The following AGMO variants were observed in gnomAD, a reference collection of about 807,000 sequenced individuals.
The protein encoded by AGMO is alkylglycerol monooxygenase.
AGMO carries 75 observed loss-of-function variants against 60.2 expected under a neutral mutation model. The ratio of observed to expected loss-of-function variants is 1.25; its 90% CI spans 1.03 to 1.51. The LOEUF (loss-of-function observed/expected upper bound fraction) is 1.51, where lower values mean the gene tolerates loss of function less well. Ranked by LOEUF, AGMO falls within the 40% of genes most tolerant of loss-of-function variation. The pLI, the probability that AGMO is intolerant of heterozygous loss-of-function variation, is 0.00. For synonymous variants in AGMO, 261 were observed against 177.1 expected, an observed-to-expected ratio of 1.47 and a Z score of -3.76; for missense variants, 763 against 525.5, an observed-to-expected ratio of 1.45 and a Z score of -4.42.
intron 12 of AGMO, among the ~76,000 whole-genome samples, chr7:15,210,754 A>G (rs900952341): frequency 4.6e-5 from 7 of 152,054 alleles, no homozygotes; most frequent in Non-Finnish European, 8.8e-5. Flanking sequence ...CTTCTCCTTA[A>G]TATGTCTATT....
Position 15,552,305 on chromosome 7 carries a change from C to A in AGMO, c.258-7382G>T, listed in dbSNP as rs948062255. ...ACACCAAAAGCATTGGCAACAAAAGCCAAAATTGACAAATGGGATCTAATT... is the reference window on the plus strand; with the variant it reads ...ACACCAAAAGCATTGGCAACAAAAGACAAAATTGACAAATGGGATCTAATT... On this transcript the variant is annotated intron_variant, in intron 2 of 12. Coordinates refer to ENST00000342526, the MANE Select transcript of AGMO (RefSeq NM_001004320.2). Among the ~76,000 whole-genome samples, 327 of 152,210 alleles carry A rather than the reference C, an allele frequency of 2.1e-3. 1 individual carries two copies. The highest frequency in any genetic ancestry group is 7.7e-3 in the African/African-American group (318 of 41,520).
intron 12 of AGMO, among the ~76,000 whole-genome samples, chr7:15,241,273 A>C (rs1470193294): frequency 6.6e-6 from 1 of 151,556 alleles, no homozygotes; most frequent in African/African-American, 2.4e-5. Flanking sequence ...ATCCTGGCTA[A>C]CACGGTGAAA....
intron 12 of AGMO, among the ~76,000 whole-genome samples, chr7:15,240,230 A>T (rs1175978405): frequency 1.3e-5 from 2 of 152,184 alleles, no homozygotes; most frequent in Non-Finnish European, 2.9e-5. Context: ...ACAGGACGAC[A>T]AGTTAAGTTT....
chr7:15,232,634 G>A (rs1003747342), intron 12 of AGMO, among the ~76,000 whole-genome samples: 2 of 152,096 alleles, frequency 1.3e-5, no homozygotes, highest in African/African-American at 4.8e-5. Flanking sequence ...TTTAAAGAAT[G>A]TGTGCTACAC....
At chr7:15,188,936 G>C in the AGMO span, among the ~76,000 whole-genome samples, 1 of 152,132 alleles carries the variant, frequency 6.6e-6, no homozygotes, top group Non-Finnish European at 1.5e-5. Context: ...AGAATCGGAG[G>C]AGATAAATTA....
intron 12 of AGMO, among the ~76,000 whole-genome samples, chr7:15,350,651 G>A (rs1411565667): frequency 1.3e-5 from 2 of 152,146 alleles, no homozygotes; most frequent in African/African-American, 2.4e-5. Context: ...TTTGTTCCTA[G>A]ATCTGAACGC....
At chr7:15,162,690 T>A in the AGMO span, among the ~76,000 whole-genome samples, 2 of 152,060 alleles carry the variant, frequency 1.3e-5, no homozygotes, top group African/African-American at 4.8e-5. Context: ...TAAAATGCCA[T>A]CTCAAAAATA....
chr7:15,295,914 A>C (rs556222992), intron 12 of AGMO, among the ~76,000 whole-genome samples: 1 of 152,286 alleles, frequency 6.6e-6, no homozygotes, highest in South Asian at 2.1e-4. Context: ...TGTTATCCTT[A>C]TACACATATT....
At chr7:15,189,292 A>G in the AGMO span, among the ~76,000 whole-genome samples, 4 of 152,054 alleles carry the variant, frequency 2.6e-5, no homozygotes, top group Non-Finnish European at 5.9e-5. Context: ...GCCTTGCAAG[A>G]CTTCCTAAAA....
the AGMO span, among the ~76,000 whole-genome samples, chr7:15,159,461 G>C: frequency 6.6e-6 from 1 of 152,108 alleles, no homozygotes; most frequent in Non-Finnish European, 1.5e-5. Flanking sequence ...CATGAGTCCA[G>C]GACTGGAAAA....
the AGMO span, among the ~76,000 whole-genome samples, chr7:15,118,867 G>T: frequency 3.8e-5 from 5 of 130,882 alleles, no homozygotes; most frequent in East Asian, 1.4e-3. Flanking sequence ...ATAATTCCCA[G>T]ACGTCAGTAT....
At chr7:15,503,053 G>A (rs922749735) in intron 3 of AGMO, among the ~76,000 whole-genome samples, 17 of 151,940 alleles carry the variant, frequency 1.1e-4, no homozygotes, top group Non-Finnish European at 2.2e-4. Flanking sequence ...TGATTCAGAG[G>A]GACAAGACAA....
the AGMO span, among the ~76,000 whole-genome samples, chr7:15,166,554 C>A: frequency 5.0e-4 from 76 of 152,228 alleles, no homozygotes; most frequent in African/African-American, 1.8e-3. Flanking sequence ...AGAGTAGGAA[C>A]AGGATCCATC....
intron 3 of AGMO, among the ~76,000 whole-genome samples, chr7:15,541,274 C>G (rs1043885579): frequency 3.3e-5 from 5 of 152,156 alleles, no homozygotes; most frequent in Admixed American, 2.6e-4. Flanking sequence ...AGGCGTGGGC[C>G]ACCACACCTG....
chr7:15,498,141 T>C (rs985163999), intron 3 of AGMO, among the ~76,000 whole-genome samples: 1 of 152,048 alleles, frequency 6.6e-6, no homozygotes. Flanking sequence ...GTTGTATTTA[T>C]GTTATGCGGG....
chr7:15,258,519 C>T (rs1320317271), intron 12 of AGMO, among the ~76,000 whole-genome samples: 1 of 151,312 alleles, frequency 6.6e-6, no homozygotes, highest in Non-Finnish European at 1.5e-5. Context: ...CACTCCAATC[C>T]AGCCTGGCAA....
At chr7:15,184,610 G>T in the AGMO span, among the ~76,000 whole-genome samples, 40 of 120,108 alleles carry the variant, frequency 3.3e-4, 3 homozygotes, top group Non-Finnish European at 5.8e-4. Flanking sequence ...AGGAAAGAAG[G>T]AAGAGAGGGA....
At chr7:15,268,631 T>C (rs1349303404) in intron 12 of AGMO, among the ~76,000 whole-genome samples, 2 of 151,988 alleles carry the variant, frequency 1.3e-5, no homozygotes, top group African/African-American at 4.8e-5. Context: ...GTGGAAATTT[T>C]CTGTGAAGAT....
chr7:15,338,041 T>C (rs998161112), intron 12 of AGMO, among the ~76,000 whole-genome samples: 1 of 152,194 alleles, frequency 6.6e-6, no homozygotes, highest in Non-Finnish European at 1.5e-5. Flanking sequence ...GAAAGGAATG[T>C]TTTATAAATT....
Sources: allele counts gnomAD v4.1 joint callset (sites outside exome capture counted in the v4.1 genomes callset), GRCh38; gene constraint gnomAD v4.1.1; transcripts MANE v1.5; gene names NCBI Gene and HGNC (gene_info 2026-07-23, HGNC 2026-07-21).